Variants in SRRM4 observed in about 807,000 individuals in gnomAD.
SRRM4 encodes the protein serine/arginine repetitive matrix 4, also known as serine/arginine repetitive matrix protein 4.
A neutral mutation model predicts 68.9 loss-of-function variants in SRRM4; 33 were observed. The observed-to-expected ratio is 0.48, with a 90% CI of 0.36 to 0.64. The LOEUF (loss-of-function observed/expected upper bound fraction) is 0.64, where lower values mean the gene tolerates loss of function less well. Ranked by LOEUF, SRRM4 falls within the 30% of genes least tolerant of loss-of-function variation. SRRM4 has a pLI of 0.00. For missense variants in SRRM4, 817 were observed against 827.1 expected (o/e 0.99, Z 0.15); for synonymous variants, 318 against 318.8 (o/e 1.00, Z 0.03).
In SRRM4 at chr12:118,984,409, G is replaced by A. The variant is rs568976411; in HGVS notation, c.131+2396G>A. On this transcript the variant is annotated intron_variant, in intron 1 of 12. Transcript: ENST00000267260. ...GGGACTTGGTCTCATCAGAAATGTCGTTTAGTTCCATGAGTCAAGCCCAGA... is the reference window on the plus strand; with the variant it reads ...GGGACTTGGTCTCATCAGAAATGTCATTTAGTTCCATGAGTCAAGCCCAGA... Among the ~76,000 whole-genome samples, 5 of 152,232 alleles carry A rather than the reference G, an allele frequency of 3.3e-5. No individual in the cohort carries two copies. In the South Asian group the frequency reaches 6.2e-4, roughly 19 times the overall value.
intron 1 of SRRM4, among the ~76,000 whole-genome samples, chr12:119,030,818 T>C (rs1953584444): frequency 6.6e-6 from 1 of 152,242 alleles, no homozygotes; most frequent in Non-Finnish European, 1.5e-5. Flanking sequence ...TCGACCTTTT[T>C]TAACCTGCAA....
intron 1 of SRRM4, chr12:119,036,965 C>T (rs947347445): frequency 1.3e-5 from 2 of 152,198 alleles, no homozygotes; most frequent in Admixed American, 1.3e-4. Flanking sequence ...GCCACTCACG[C>T]TTCTGGGGAA....
At chr12:119,088,696 G>A (rs965263165) in intron 1 of SRRM4, among the ~76,000 whole-genome samples, 1 of 149,402 alleles carries the variant, frequency 6.7e-6, no homozygotes, top group Non-Finnish European at 1.5e-5. Flanking sequence ...ATAAGTGGGG[G>A]GCCACAAAAG....
intron 1 of SRRM4, among the ~76,000 whole-genome samples, chr12:119,091,721 G>A (rs1028486386): frequency 7.9e-5 from 12 of 152,146 alleles, no homozygotes; most frequent in East Asian, 1.9e-4. Flanking sequence ...GAGTCTATCC[G>A]ATGGGTCTAC....
intron 8 of SRRM4, 34 bp downstream of exon 8, chr12:119,130,868 T>C: frequency 6.3e-7 from 1 of 1,586,464 alleles, no homozygotes; most frequent in Non-Finnish European, 8.5e-7. Context: ...CTGCCAGCCT[T>C]GGCCACGACA....
chr12:119,069,147 A>G (rs1391893680), intron 1 of SRRM4, among the ~76,000 whole-genome samples: 1 of 152,190 alleles, frequency 6.6e-6, no homozygotes. Context: ...GAGAGCCCTA[A>G]ATAGTAAAGT....
At chr12:119,014,116 A>G (rs1397339497) in intron 1 of SRRM4, among the ~76,000 whole-genome samples, 5 of 152,146 alleles carry the variant, frequency 3.3e-5, no homozygotes, top group Admixed American at 1.3e-4. Flanking sequence ...GAGTGAGGCC[A>G]CACGTCTTTG....
chr12:119,136,844 T>C (rs1017661661), intron 8 of SRRM4, among the ~76,000 whole-genome samples: 1 of 152,032 alleles, frequency 6.6e-6, no homozygotes, highest in African/African-American at 2.4e-5. Context: ...AGGAAAATAA[T>C]AAGGAGGCCA....
intron 1 of SRRM4, among the ~76,000 whole-genome samples, chr12:119,026,953 A>G (rs950108585): frequency 2.0e-5 from 3 of 152,132 alleles, no homozygotes; most frequent in Non-Finnish European, 2.9e-5. Flanking sequence ...CACACCTGCA[A>G]ATGTTTTAGG....
At chr12:119,002,605 A>C (rs546166350) in intron 1 of SRRM4, among the ~76,000 whole-genome samples, 1 of 152,360 alleles carries the variant, frequency 6.6e-6, no homozygotes, top group South Asian at 2.1e-4. Context: ...GAAGGTAGAT[A>C]TAAGGAACTA....
intron 1 of SRRM4, among the ~76,000 whole-genome samples, chr12:119,045,760 AG>A (rs1212093720): frequency 6.6e-6 from 1 of 152,180 alleles, no homozygotes; most frequent in Admixed American, 6.5e-5. Context: ...TAATTAGGCC[AG>A]GCATGGTGGC....
chr12:119,005,091 C>T (rs1246956853), intron 1 of SRRM4, among the ~76,000 whole-genome samples: 1 of 152,234 alleles, frequency 6.6e-6, no homozygotes, highest in Non-Finnish European at 1.5e-5. Context: ...AACAGGCTCA[C>T]TGTAGGCCCC....
At chr12:119,054,200 T>C (rs1338418868) in intron 1 of SRRM4, among the ~76,000 whole-genome samples, 1 of 152,248 alleles carries the variant, frequency 6.6e-6, no homozygotes, top group Non-Finnish European at 1.5e-5. Context: ...ATTTATGTTG[T>C]TGCAAATGAT....
In SRRM4 at chr12:119,074,206, GAA is replaced by G. The variant is rs34126757; in HGVS notation, c.132-28021_132-28020del. 8.6e-4 allele frequency among the ~76,000 whole-genome samples: 131 copies of G among 151,448 alleles called. No homozygotes were observed. In the South Asian group the frequency reaches 0.012, roughly 14 times the overall value. On this transcript the variant is annotated intron_variant, in intron 1 of 12. Transcript: ENST00000267260. ...AATGGACTTAGGAAAGGGAAACGGT[GAA>G]AAAAAAAATCACATTTACTGGGTAT... is the stretch of plus-strand genomic sequence containing the variant.
intron 1 of SRRM4, among the ~76,000 whole-genome samples, chr12:119,010,878 T>G (rs1463838767): frequency 6.6e-6 from 1 of 152,214 alleles, no homozygotes; most frequent in African/African-American, 2.4e-5. Context: ...TCATGTGTAT[T>G]AAACATAGAT....
intron 1 of SRRM4, among the ~76,000 whole-genome samples, chr12:119,041,425 G>A (rs1392571996): frequency 6.6e-6 from 1 of 152,124 alleles, no homozygotes; most frequent in Non-Finnish European, 1.5e-5. Flanking sequence ...ATGGTGAGTA[G>A]GAAAGTACTT....
chr12:119,012,254 C>A (rs1283584529), intron 1 of SRRM4, among the ~76,000 whole-genome samples: 1 of 152,152 alleles, frequency 6.6e-6, no homozygotes, highest in Non-Finnish European at 1.5e-5. Context: ...AGGGCCACTT[C>A]CTTAAGATAG....
chr12:119,147,720 A>G (rs916921512), intron 9 of SRRM4, among the ~76,000 whole-genome samples: 5 of 152,230 alleles, frequency 3.3e-5, no homozygotes, highest in African/African-American at 1.2e-4. Flanking sequence ...CCATTTTTTT[A>G]CCCATCTTAA....
intron 2 of SRRM4, among the ~76,000 whole-genome samples, chr12:119,105,180 T>C (rs1456908367): frequency 4.6e-5 from 7 of 152,074 alleles, no homozygotes; most frequent in Non-Finnish European, 8.8e-5. Flanking sequence ...TAGTATTCCA[T>C]GGTGTATATG....
Sources: allele counts gnomAD v4.1 joint callset (sites outside exome capture counted in the v4.1 genomes callset), GRCh38; gene constraint gnomAD v4.1.1; transcripts MANE v1.5; gene names NCBI Gene and HGNC (gene_info 2026-07-23, HGNC 2026-07-21).